The following ZNF385D variants were observed in gnomAD, a reference collection of about 807,000 sequenced individuals.
ZNF385D encodes the protein zinc finger protein 659.
Under a neutral mutation model 35.8 loss-of-function variants are expected in ZNF385D, and 15 were observed. The observed-to-expected ratio is 0.42, with a 90% CI of 0.28 to 0.64. The LOEUF (loss-of-function observed/expected upper bound fraction) is 0.64, where lower values mean the gene tolerates loss of function less well. Among genes scored for constraint, ZNF385D ranks in the 30% least tolerant of loss-of-function variants. ZNF385D has a pLI of 0.23. For missense variants in ZNF385D, 474 were observed against 494.6 expected, an observed-to-expected ratio of 0.96 and a Z score of 0.39; for synonymous variants, 212 against 186.8, an observed-to-expected ratio of 1.13 and a Z score of -1.10.
At chr3:22,197,289 C>T (rs1408441273) in intron 2 of ZNF385D, among the ~76,000 whole-genome samples, 1 of 151,990 alleles carries the variant, frequency 6.6e-6, no homozygotes, top group East Asian at 1.9e-4. Context: ...GCTCCTTCTC[C>T]TCTTCTAGGA....
At chr3:22,368,778 C>A (rs1392158868) in intron 2 of ZNF385D, among the ~76,000 whole-genome samples, 1 of 152,154 alleles carries the variant, frequency 6.6e-6, no homozygotes, top group African/African-American at 2.4e-5. Flanking sequence ...AAATACTATC[C>A]CATTAAGGGC....
intron 1 of ZNF385D, among the ~76,000 whole-genome samples, chr3:21,688,124 T>G (rs1378698138): frequency 6.6e-6 from 1 of 152,126 alleles, no homozygotes; most frequent in Non-Finnish European, 1.5e-5. Context: ...TACTATTATT[T>G]TTGGTGCCTC....
At chr3:22,060,880 C>T (rs529738914) in intron 3 of ZNF385D, among the ~76,000 whole-genome samples, 6 of 151,744 alleles carry the variant, frequency 4.0e-5, no homozygotes, top group African/African-American at 1.4e-4. Flanking sequence ...AATTACCAGA[C>T]AATTTTGGCT....
rs143045727 is a variant in ZNF385D, at chr3:22,292,357, A to G, written c.106+80093T>C. Among the ~76,000 whole-genome samples, 239 of 152,204 alleles carry G rather than the reference A, an allele frequency of 1.6e-3. 3 individuals are homozygous for G. The highest frequency in any genetic ancestry group is 7.7e-3 in the East Asian group (40 of 5,182). ...TCTCGTTTCTTTAGATATTTCACCAATGTAATCTGCAATTAAGTGTTATAC... is the reference window on the plus strand; with the variant it reads ...TCTCGTTTCTTTAGATATTTCACCAGTGTAATCTGCAATTAAGTGTTATAC... On this transcript the variant is annotated intron_variant, in intron 2 of 5. Coordinates refer to the ZNF385D transcript ENST00000494108.
chr3:22,206,438 A>T (rs1479973697), intron 2 of ZNF385D, among the ~76,000 whole-genome samples: 9 of 152,016 alleles, frequency 5.9e-5, no homozygotes, highest in Admixed American at 5.9e-4. Context: ...GACCTAATAG[A>T]TATTTACAGA....
At chr3:21,956,779 G>C (rs1468192612) in intron 3 of ZNF385D, among the ~76,000 whole-genome samples, 2 of 151,546 alleles carry the variant, frequency 1.3e-5, no homozygotes, top group Non-Finnish European at 2.9e-5. Flanking sequence ...TGACTGCAGG[G>C]GCCAATCTAA....
chr3:22,317,803 G>A (rs1260666180), intron 2 of ZNF385D, among the ~76,000 whole-genome samples: 2 of 152,168 alleles, frequency 1.3e-5, no homozygotes, highest in African/African-American at 4.8e-5. Context: ...ACTCACTCAT[G>A]TAATCCCAGC....
intron 2 of ZNF385D, among the ~76,000 whole-genome samples, chr3:21,599,967 T>G (rs535069328): frequency 6.6e-6 from 1 of 152,304 alleles, no homozygotes; most frequent in South Asian, 2.1e-4. Flanking sequence ...CATAAAGACC[T>G]TGCTGATAAA....
At chr3:21,651,521 TTC>T (rs1375803712) in intron 2 of ZNF385D, among the ~76,000 whole-genome samples, 1 of 152,038 alleles carries the variant, frequency 6.6e-6, no homozygotes, top group Non-Finnish European at 1.5e-5. Context: ...TATTTTTTTT[TTC>T]TTTCTCTTTT....
At chr3:22,066,356 G>C (rs1226503602) in intron 3 of ZNF385D, among the ~76,000 whole-genome samples, 2 of 150,442 alleles carry the variant, frequency 1.3e-5, no homozygotes, top group Admixed American at 1.3e-4. Context: ...TGGGCGAGAT[G>C]GTTCCCTGTG....
chr3:21,979,257 G>GA (rs946234633), intron 3 of ZNF385D, among the ~76,000 whole-genome samples: 2 of 151,618 alleles, frequency 1.3e-5, no homozygotes, highest in Non-Finnish European at 2.9e-5. Flanking sequence ...ACAGAAGGGG[G>GA]AAAAAAACCC....
intron 1 of ZNF385D, among the ~76,000 whole-genome samples, chr3:21,676,749 G>A (rs2066741883): frequency 6.6e-6 from 1 of 151,802 alleles, no homozygotes; most frequent in African/African-American, 2.4e-5. Flanking sequence ...GTAGAGCTAG[G>A]TAGAATTAGA....
At chr3:22,338,724 G>C (rs1363222239) in intron 2 of ZNF385D, among the ~76,000 whole-genome samples, 1 of 121,362 alleles carries the variant, frequency 8.2e-6, no homozygotes. Context: ...TTTTTGAAGT[G>C]GAGTCTTGCT....
chr3:21,805,496 ACTT>A (rs1166453047), intron 3 of ZNF385D, among the ~76,000 whole-genome samples: 1 of 152,200 alleles, frequency 6.6e-6, no homozygotes, highest in Middle Eastern at 3.2e-3. Flanking sequence ...CAAGTCTAAC[ACTT>A]CCCTTGTGAT....
At chr3:22,280,132 T>A (rs1055942512) in intron 2 of ZNF385D, among the ~76,000 whole-genome samples, 5 of 152,070 alleles carry the variant, frequency 3.3e-5, no homozygotes, top group Non-Finnish European at 7.4e-5. Context: ...TGGGGCTGTT[T>A]ATTTCTTGCT....
intron 3 of ZNF385D, among the ~76,000 whole-genome samples, chr3:22,164,573 G>A (rs1485016269): frequency 6.6e-6 from 1 of 151,346 alleles, no homozygotes; most frequent in Non-Finnish European, 1.5e-5. Flanking sequence ...AAAGGGCAGA[G>A]GGCTAGGTTA....
chr3:21,824,148 T>A (rs922862234), intron 3 of ZNF385D, among the ~76,000 whole-genome samples: 8 of 152,292 alleles, frequency 5.3e-5, no homozygotes, highest in Admixed American at 3.9e-4. Flanking sequence ...CATGACTTCT[T>A]TCAAAATTCA....
chr3:21,974,831 T>C (rs1304348387), intron 3 of ZNF385D, among the ~76,000 whole-genome samples: 1 of 152,176 alleles, frequency 6.6e-6, no homozygotes, highest in Non-Finnish European at 1.5e-5. Flanking sequence ...ACAACATCAC[T>C]GATCATCAGA....
At chr3:21,660,195 G>C (rs1038272562) in intron 2 of ZNF385D, among the ~76,000 whole-genome samples, 2 of 151,872 alleles carry the variant, frequency 1.3e-5, no homozygotes, top group African/African-American at 2.4e-5. Context: ...ATATTATACA[G>C]AGGAGCAGCA....
Sources: gnomAD v4.1 joint callset for allele counts (sites outside exome capture counted in the v4.1 genomes callset) on GRCh38, gnomAD v4.1.1 for gene constraint, MANE v1.5 for transcripts, NCBI Gene and HGNC (gene_info 2026-07-23, HGNC 2026-07-21) for gene names.